RGMA: variants seen among roughly 807,000 people sequenced by gnomAD.
The protein encoded by RGMA is repulsive guidance molecule A.
RGMA carries 10 observed loss-of-function variants against 23.2 expected under a neutral mutation model. The observed-to-expected ratio is 0.43, with a 90% CI of 0.27 to 0.73. RGMA has a LOEUF of 0.73. Ranked by LOEUF, RGMA falls within the 30% of genes least tolerant of loss-of-function variation. The pLI is 0.20. For missense variants in RGMA, 547 were observed against 630.5 expected (o/e 0.87, Z 1.42); for synonymous variants, 308 against 279.3 (o/e 1.10, Z -1.03).
At chr15:93,055,198 C>T (rs975583526) in intron 2 of RGMA, among the ~76,000 whole-genome samples, 18 of 152,150 alleles carry the variant, frequency 1.2e-4, no homozygotes, top group African/African-American at 4.3e-4. Context: ...TGGATGGCCA[C>T]GCTCAAGCTC....
chr15:93,062,903 A>AT (rs1359012835), intron 2 of RGMA: 1 of 152,584 alleles, frequency 6.6e-6, no homozygotes, highest in African/African-American at 2.4e-5. Context: ...TCCCATGCCC[A>AT]TAACAATGCC....
intron 1 of RGMA, chr15:93,088,415 G>A: frequency 1.0e-6 from 1 of 985,706 alleles, no homozygotes; most frequent in Non-Finnish European, 1.2e-6. Context: ...GTACGCCGGC[G>A]CGCCGAGGCA....
chr15:93,072,597 C>G (rs1002236950), intron 2 of RGMA, among the ~76,000 whole-genome samples: 1 of 152,170 alleles, frequency 6.6e-6, no homozygotes, highest in East Asian at 1.9e-4. Flanking sequence ...TCCCCCTCTT[C>G]CCGAGCCCCT....
intron 1 of RGMA, among the ~76,000 whole-genome samples, chr15:93,075,276 A>G (rs1263289084): frequency 6.6e-6 from 1 of 152,222 alleles, no homozygotes; most frequent in African/African-American, 2.4e-5. Context: ...CATTACATAC[A>G]GTAGTTTTTT....
chr15:93,080,038 C>T (rs1895533528), intron 1 of RGMA, among the ~76,000 whole-genome samples: 1 of 151,844 alleles, frequency 6.6e-6, no homozygotes, highest in East Asian at 1.9e-4. Flanking sequence ...GACTCTTATT[C>T]TTGGTAATTA....
At chr15:93,059,820 G>A (rs1457792396) in intron 2 of RGMA, among the ~76,000 whole-genome samples, 3 of 152,338 alleles carry the variant, frequency 2.0e-5, no homozygotes, top group South Asian at 2.1e-4. Context: ...TCTCAGAGAG[G>A]CCGATTTTTA....
intron 2 of RGMA, among the ~76,000 whole-genome samples, chr15:93,072,452 G>T (rs1229219414): frequency 6.6e-6 from 1 of 152,226 alleles, no homozygotes; most frequent in Admixed American, 6.5e-5. Flanking sequence ...GGTCTCCGGG[G>T]AGGGGGCTGT....
At chr15:93,086,304 C>T (rs1436219714) in intron 1 of RGMA, among the ~76,000 whole-genome samples, 1 of 152,164 alleles carries the variant, frequency 6.6e-6, no homozygotes, top group Non-Finnish European at 1.5e-5. Context: ...TAACAGATTC[C>T]AATTTGCCTG....
rs576156178 is a variant in RGMA at position 93,068,993 on chromosome 15, C to G, written c.130+3923G>C. Among the ~76,000 whole-genome samples, 5 of 152,306 alleles carry G rather than the reference C, an allele frequency of 3.3e-5. No individual in the cohort carries two copies. In the South Asian group the frequency reaches 1.0e-3, roughly 32 times the overall value. On this transcript the variant is annotated intron_variant, in intron 2 of 3. Coordinates refer to ENST00000329082, the MANE Select transcript of RGMA (RefSeq NM_020211.3). ...TAAATGTCTGTCATGTATAAGCCAC[C>G]CACTTATGGTATTTTGTTACAGCAG...
chr15:93,069,106 ATTTTT>A (rs5814563), intron 2 of RGMA, among the ~76,000 whole-genome samples: 1 of 151,670 alleles, frequency 6.6e-6, no homozygotes, highest in Non-Finnish European at 1.5e-5. Flanking sequence ...CTGCTGATGC[ATTTTT>A]TTTTTGTTTG....
At chr15:93,053,794 G>A (rs982334496) in intron 2 of RGMA, among the ~76,000 whole-genome samples, 20 of 152,216 alleles carry the variant, frequency 1.3e-4, no homozygotes, top group African/African-American at 4.8e-4. Flanking sequence ...GGGCGAGTCA[G>A]TGCTCATCTG....
At chr15:93,051,825 A>G (rs2054924134) in intron 3 of RGMA, 168 bp downstream of exon 3, 10 of 683,074 alleles carry the variant, frequency 1.5e-5, no homozygotes, top group Admixed American at 5.9e-5. Flanking sequence ...GGAGGGAGGA[A>G]GCTGAGACCC....
At chr15:93,050,975 T>C (rs975768055) in intron 3 of RGMA, among the ~76,000 whole-genome samples, 3 of 152,004 alleles carry the variant, frequency 2.0e-5, no homozygotes, top group African/African-American at 4.8e-5. Context: ...AGGCAGGCCC[T>C]GAGTATGCGG....
intron 1 of RGMA, chr15:93,088,570 G>A: frequency 9.5e-7 from 1 of 1,047,144 alleles, no homozygotes; most frequent in Non-Finnish European, 1.2e-6. Context: ...CGGCGGGACA[G>A]TCGGGTGGCC....
intron 1 of RGMA, chr15:93,073,626 A>C: frequency 6.5e-7 from 1 of 1,537,084 alleles, no homozygotes; most frequent in Non-Finnish European, 8.7e-7. Flanking sequence ...AGTCGCACTC[A>C]GACGCGACAC....
At chr15:93,047,747 T>C (rs965845708) in intron 3 of RGMA, among the ~76,000 whole-genome samples, 1 of 152,098 alleles carries the variant, frequency 6.6e-6, no homozygotes, top group Non-Finnish European at 1.5e-5. Flanking sequence ...GGGGGAGGCA[T>C]GAGGACTGCC....
rs761833666 is a variant in RGMA, at chr15:93,088,951, G to C, written c.-19C>G. The stretch of plus-strand genomic sequence containing the variant: ...GCTGCATGAGCCCCTGCGGCCCGCG[G>C]GGGGTGGCGCTGGCGGGGCTGCGGG... On this transcript the variant is annotated 5_prime_UTR_variant, in exon 1 of 4. Transcript: ENST00000329082. The C allele has an allele frequency of 1.4e-4, 197 of 1,397,684 alleles. No homozygotes were observed. Among genetic ancestry groups the C allele is most frequent in the Admixed American group, 3.5e-5 (1 of 28,918 alleles). The allele number at this position is 1,397,684 out of a possible 1,614,324, so 86.6% of individuals were successfully genotyped here. A position where few individuals can be genotyped will look rare whatever the true frequency, so the allele number is the denominator to read the frequency against.
intron 2 of RGMA, among the ~76,000 whole-genome samples, chr15:93,064,664 T>C (rs1460663396): frequency 1.3e-5 from 2 of 152,244 alleles, no homozygotes; most frequent in Non-Finnish European, 2.9e-5. Flanking sequence ...GGCATCACTG[T>C]AATCGGGTAT....
At chr15:93,070,935 A>G (rs1895301444) in intron 2 of RGMA, among the ~76,000 whole-genome samples, 1 of 152,246 alleles carries the variant, frequency 6.6e-6, no homozygotes, top group Non-Finnish European at 1.5e-5. Flanking sequence ...GGATGGAGAA[A>G]TAAATCGAGA....
Sources: gnomAD v4.1 joint callset for allele counts (sites outside exome capture counted in the v4.1 genomes callset) on GRCh38, gnomAD v4.1.1 for gene constraint, MANE v1.5 for transcripts, NCBI Gene and HGNC (gene_info 2026-07-23, HGNC 2026-07-21) for gene names.